MEIKIN: variants seen among roughly 807,000 people sequenced by gnomAD.
The protein encoded by MEIKIN is meiosis-specific kinetochore protein.
intron 11 of MEIKIN, among the ~76,000 whole-genome samples, chr5:131,824,716 G>C (rs775152520): frequency 6.6e-6 from 1 of 152,054 alleles, no homozygotes; most frequent in Non-Finnish European, 1.5e-5. Context: ...GAAAAATATT[G>C]AACAGAGGTT....
intron 5 of MEIKIN, among the ~76,000 whole-genome samples, chr5:131,925,547 A>G (rs1751573907): frequency 6.6e-6 from 1 of 152,048 alleles, no homozygotes; most frequent in African/African-American, 2.4e-5. Flanking sequence ...AGATTGTTTT[A>G]TTTCCTTTTC....
intron 11 of MEIKIN, among the ~76,000 whole-genome samples, chr5:131,823,183 C>A (rs1749549981): frequency 6.6e-6 from 1 of 152,044 alleles, no homozygotes; most frequent in Non-Finnish European, 1.5e-5. Context: ...CGGATTAAAT[C>A]TGCTTGGTGC....
At chr5:131,877,636 C>T (rs1399440518) in intron 9 of MEIKIN, among the ~76,000 whole-genome samples, 1 of 151,838 alleles carries the variant, frequency 6.6e-6, no homozygotes, top group African/African-American at 2.4e-5. Flanking sequence ...AGAGGAAGAC[C>T]TTGTTTCAAA....
intron 11 of MEIKIN, among the ~76,000 whole-genome samples, chr5:131,841,893 T>C (rs908186249): frequency 6.6e-6 from 1 of 152,248 alleles, no homozygotes; most frequent in South Asian, 2.1e-4. Flanking sequence ...GATTTTTGTA[T>C]ATTGACTTTG....
intron 11 of MEIKIN, among the ~76,000 whole-genome samples, chr5:131,838,777 T>C (rs76279369): frequency 0.027 from 4,034 of 152,102 alleles, 187 homozygotes; most frequent in African/African-American, 0.092. Flanking sequence ...AGTCTATGCA[T>C]TGTATTTTTT....
At chr5:131,940,995 TG>T (rs1751860454) in intron 4 of MEIKIN, among the ~76,000 whole-genome samples, 1 of 152,074 alleles carries the variant, frequency 6.6e-6, no homozygotes, top group African/African-American at 2.4e-5. Context: ...TCACTTTGCT[TG>T]TGAGTAATTA....
intron 8 of MEIKIN, among the ~76,000 whole-genome samples, chr5:131,888,340 T>C: frequency 2.1e-5 from 3 of 140,622 alleles, no homozygotes; most frequent in African/African-American, 8.5e-5. Context: ...TGTAAAAGTG[T>C]TCCTATTTCT....
At chr5:131,877,161 TA>T (rs988232935) in intron 9 of MEIKIN, among the ~76,000 whole-genome samples, 3 of 151,880 alleles carry the variant, frequency 2.0e-5, no homozygotes, top group Admixed American at 6.6e-5. Flanking sequence ...ATAAAATTTT[TA>T]AAAAAAGCAA....
intron 8 of MEIKIN, among the ~76,000 whole-genome samples, chr5:131,893,355 T>G (rs920002176): frequency 6.6e-6 from 1 of 152,208 alleles, no homozygotes; most frequent in Non-Finnish European, 1.5e-5. Context: ...GTGCTAGCAA[T>G]GAGCAAGGCT....
intron 8 of MEIKIN, among the ~76,000 whole-genome samples, chr5:131,894,392 G>C (rs1202693298): frequency 6.6e-6 from 1 of 152,096 alleles, no homozygotes; most frequent in Non-Finnish European, 1.5e-5. Flanking sequence ...GCTCTTTTTT[G>C]GTTCCATATG....
At chr5:131,857,341 G>A (rs1750212566) in intron 9 of MEIKIN, among the ~76,000 whole-genome samples, 1 of 152,148 alleles carries the variant, frequency 6.6e-6, no homozygotes, top group Non-Finnish European at 1.5e-5. Flanking sequence ...TCTGCTGAAA[G>A]ACAAAATAGT....
intron 5 of MEIKIN, among the ~76,000 whole-genome samples, chr5:131,930,583 T>G (rs1459057748): frequency 6.6e-6 from 1 of 152,194 alleles, no homozygotes; most frequent in African/African-American, 2.4e-5. Flanking sequence ...TTCTTTATTC[T>G]TCTTGAGCTA....
intron 8 of MEIKIN, among the ~76,000 whole-genome samples, chr5:131,900,232 G>A (rs141013990): frequency 1.1e-4 from 17 of 152,314 alleles, no homozygotes; most frequent in African/African-American, 1.4e-4. Flanking sequence ...AACATCTGTC[G>A]CTGAGGGAAT....
intron 11 of MEIKIN, among the ~76,000 whole-genome samples, chr5:131,838,037 T>C (rs1303773026): frequency 6.6e-6 from 1 of 152,172 alleles, no homozygotes; most frequent in African/African-American, 2.4e-5. Flanking sequence ...TCCTTCAATA[T>C]CTAGTTTATT....
intron 8 of MEIKIN, among the ~76,000 whole-genome samples, chr5:131,885,231 A>AGTGCT (rs1381521330): frequency 6.6e-6 from 1 of 152,082 alleles, no homozygotes; most frequent in Non-Finnish European, 1.5e-5. Flanking sequence ...GGTGAGACCC[A>AGTGCT]GTGCTGTGCT....
At chr5:131,868,292 C>T (rs1750425724) in intron 9 of MEIKIN, among the ~76,000 whole-genome samples, 1 of 152,122 alleles carries the variant, frequency 6.6e-6, no homozygotes, top group African/African-American at 2.4e-5. Flanking sequence ...GCCATGTTGC[C>T]CAGGCTAGTC....
At chr5:131,898,170 C>G (rs979164435) in intron 8 of MEIKIN, among the ~76,000 whole-genome samples, 1 of 152,190 alleles carries the variant, frequency 6.6e-6, no homozygotes, top group Non-Finnish European at 1.5e-5. Flanking sequence ...CCCTCAGCTG[C>G]AGGTCTGCTG....
intron 9 of MEIKIN, among the ~76,000 whole-genome samples, chr5:131,856,394 G>C (rs1477611720): frequency 1.3e-5 from 2 of 152,158 alleles, no homozygotes; most frequent in African/African-American, 4.8e-5. Context: ...GTAGTTAGCT[G>C]ACAGCCCCCA....
chr5:131,913,656 G>T (rs1299928506), intron 7 of MEIKIN, among the ~76,000 whole-genome samples: 4 of 152,184 alleles, frequency 2.6e-5, no homozygotes, highest in Non-Finnish European at 5.9e-5. Context: ...AATGCTGGTA[G>T]AATTGGGTTT....
Sources: allele counts gnomAD v4.1 joint callset (sites outside exome capture counted in the v4.1 genomes callset), GRCh38; gene constraint gnomAD v4.1.1; transcripts MANE v1.5; gene names NCBI Gene and HGNC (gene_info 2026-07-23, HGNC 2026-07-21).